Variants in OPCML observed in about 807,000 individuals in gnomAD.
OPCML encodes the protein opioid binding protein/cell adhesion molecule like.
A neutral mutation model predicts 37.8 loss-of-function variants in OPCML; 13 were observed. The ratio of observed to expected loss-of-function variants is 0.34; its 90% CI spans 0.22 to 0.55. OPCML has a LOEUF of 0.55. Among genes scored for constraint, OPCML ranks in the 20% least tolerant of loss-of-function variants. The probability of loss-of-function intolerance (pLI) is 0.91; values close to 1 mark genes in which losing one functional copy is unlikely to be tolerated. For synonymous variants in OPCML, 176 were observed against 168.8 expected, an observed-to-expected ratio of 1.04 and a Z score of -0.33; for missense variants, 341 against 435.6, an observed-to-expected ratio of 0.78 and a Z score of 1.93.
intron 2 of OPCML, among the ~76,000 whole-genome samples, chr11:132,797,324 A>T (rs535154804): frequency 6.6e-6 from 1 of 152,238 alleles, no homozygotes; most frequent in Admixed American, 6.5e-5. Context: ...TTGCATGTGC[A>T]TATCCATTTG....
At chr11:132,791,437 A>C (rs1937899527) in intron 2 of OPCML, among the ~76,000 whole-genome samples, 1 of 152,128 alleles carries the variant, frequency 6.6e-6, no homozygotes, top group East Asian at 1.9e-4. Context: ...TAATAACAAG[A>C]ACTATCAGAC....
Position 132,421,218 on chromosome 11 carries a change from G to A in OPCML, c.917-925C>T, listed in dbSNP as rs528554902. ...TATCAGCAAGCACATAGGGTGGTAC[G>A]CAAGACTAGGAGCCAGCAGCAAGTG... On this transcript the variant is annotated intron_variant, in intron 7 of 7. Coordinates refer to ENST00000524381, the MANE Select transcript of OPCML (RefSeq NM_001012393.5). Among the ~76,000 whole-genome samples, 68 of 152,252 alleles carry A rather than the reference G, an allele frequency of 4.5e-4. 1 individual carries two copies. In the South Asian group the frequency reaches 8.3e-3, roughly 19 times the overall value.
At chr11:133,294,987 C>T (rs1942593319) in intron 1 of OPCML, among the ~76,000 whole-genome samples, 1 of 151,836 alleles carries the variant, frequency 6.6e-6, no homozygotes, top group Non-Finnish European at 1.5e-5. Flanking sequence ...CCATGCCCAG[C>T]TAATTATTGT....
intron 2 of OPCML, among the ~76,000 whole-genome samples, chr11:132,778,105 A>T (rs1041797191): frequency 1.3e-5 from 2 of 152,194 alleles, no homozygotes; most frequent in African/African-American, 4.8e-5. Context: ...GCACACTGAA[A>T]TGCAGATGTG....
At chr11:132,450,105 CCAGGCCCCAGGGGAGA>C (rs1356101280) in intron 4 of OPCML, among the ~76,000 whole-genome samples, 4 of 152,144 alleles carry the variant, frequency 2.6e-5, no homozygotes, top group Non-Finnish European at 5.9e-5. Context: ...AGCACCCTGC[CCAGGCCCCAGGGGAGA>C]CAGACCCCTG....
intron 3 of OPCML, among the ~76,000 whole-genome samples, chr11:132,619,851 C>A (rs866592329): frequency 8.5e-3 from 958 of 112,596 alleles, no homozygotes; most frequent in African/African-American, 8.7e-3. Context: ...GACTCCATGT[C>A]AAAAAAAAAA....
chr11:132,822,147 T>G (rs1940029281), intron 2 of OPCML, among the ~76,000 whole-genome samples: 1 of 152,074 alleles, frequency 6.6e-6, no homozygotes, highest in Non-Finnish European at 1.5e-5. Context: ...TCCCTGGGAC[T>G]CCACTAGAGC....
intron 1 of OPCML, among the ~76,000 whole-genome samples, chr11:133,289,361 C>A (rs938811871): frequency 6.6e-6 from 1 of 151,820 alleles, no homozygotes; most frequent in Non-Finnish European, 1.5e-5. Flanking sequence ...TTTGGGAGGC[C>A]GAGGCGGGCG....
intron 1 of OPCML, chr11:133,026,386 G>A: frequency 2.0e-6 from 2 of 985,348 alleles, no homozygotes; most frequent in Non-Finnish European, 2.4e-6. Flanking sequence ...TGATTGACGA[G>A]TGAGCACCTT....
chr11:133,494,289 CA>C, intron 1 of OPCML, among the ~76,000 whole-genome samples: 1 of 151,816 alleles, frequency 6.6e-6, no homozygotes, highest in South Asian at 2.1e-4. Flanking sequence ...TAAACTAGTT[CA>C]ACCATTGTGG....
At chr11:133,108,807 T>TA (rs5795816) in intron 1 of OPCML, among the ~76,000 whole-genome samples, 108,497 of 151,134 alleles carry the variant, frequency 0.72, 39,015 homozygotes, top group East Asian at 0.79. Context: ...CTACAGGTGA[T>TA]AAAAAAAAAT....
chr11:133,049,769 G>T lies in OPCML; in HGVS notation c.62-106759C>A, dbSNP rs143021697. Among the ~76,000 whole-genome samples, 237 of 152,284 alleles carry T rather than the reference G, an allele frequency of 1.6e-3. 1 individual carries two copies. The highest frequency in any genetic ancestry group is 5.2e-3 in the African/African-American group (218 of 41,556). On this transcript the variant is annotated intron_variant, in intron 1 of 7. Coordinates refer to ENST00000524381, the MANE Select transcript of OPCML (RefSeq NM_001012393.5). ...CCCGTGCTGTGCTCTCCACCTGTGA[G>T]GGCTTCTTTATGTGTCAGCTCAGCT...
At chr11:132,513,946 G>A (rs2096274319) in intron 4 of OPCML, among the ~76,000 whole-genome samples, 1 of 152,100 alleles carries the variant, frequency 6.6e-6, no homozygotes, top group Non-Finnish European at 1.5e-5. Context: ...ATAACACGTA[G>A]AAGGCACCCA....
chr11:133,355,532 C>G (rs1944264831), intron 1 of OPCML, among the ~76,000 whole-genome samples: 2 of 152,152 alleles, frequency 1.3e-5, no homozygotes. Flanking sequence ...TAGCACTTAA[C>G]AGATACAGGG....
chr11:133,093,975 T>G (rs1948957150), intron 1 of OPCML, among the ~76,000 whole-genome samples: 1 of 152,182 alleles, frequency 6.6e-6, no homozygotes, highest in Admixed American at 6.5e-5. Flanking sequence ...GTCCGGTGGA[T>G]GCATTGTCTA....
At chr11:132,882,235 A>C (rs1565934363) in intron 2 of OPCML, among the ~76,000 whole-genome samples, 1 of 152,224 alleles carries the variant, frequency 6.6e-6, no homozygotes, top group African/African-American at 2.4e-5. Context: ...GTAAACAAAA[A>C]ATGAACCTCG....
chr11:132,828,312 C>G (rs1376622297), intron 2 of OPCML, among the ~76,000 whole-genome samples: 1 of 152,100 alleles, frequency 6.6e-6, no homozygotes, highest in East Asian at 1.9e-4. Context: ...ACTACAACAA[C>G]AGATACATGT....
intron 1 of OPCML, among the ~76,000 whole-genome samples, chr11:133,441,714 G>T (rs1946367930): frequency 1.3e-5 from 2 of 151,880 alleles, no homozygotes; most frequent in South Asian, 2.1e-4. Flanking sequence ...GATGAAAGAA[G>T]AATTATAAAC....
chr11:132,565,787 T>C (rs1334973860), intron 3 of OPCML, among the ~76,000 whole-genome samples: 3 of 152,178 alleles, frequency 2.0e-5, no homozygotes, highest in African/African-American at 7.2e-5. Context: ...AATCCCAGCA[T>C]TTTGGGAGGC....
Sources: gnomAD v4.1 joint callset for allele counts (sites outside exome capture counted in the v4.1 genomes callset) on GRCh38, gnomAD v4.1.1 for gene constraint, MANE v1.5 for transcripts, NCBI Gene and HGNC (gene_info 2026-07-23, HGNC 2026-07-21) for gene names.